Variants in BCL2L13 observed in about 807,000 individuals in gnomAD.
BCL2L13 encodes bcl-2-like protein 13.
In BCL2L13, 13 loss-of-function variants were observed where a neutral mutation model predicts 25.8. The observed-to-expected ratio is 0.50, with a 90% CI of 0.33 to 0.80. BCL2L13 has a LOEUF of 0.80. BCL2L13 is among the 30% of genes least tolerant of loss of function. The probability of loss-of-function intolerance (pLI) is 0.02; values close to 1 mark genes in which losing one functional copy is unlikely to be tolerated. For synonymous variants in BCL2L13, 244 were observed against 230.3 expected (o/e 1.06, Z -0.54); for missense variants, 504 against 574.9 (o/e 0.88, Z 1.26).
chr22:17,686,603 C>T (rs570345661), intron 3 of BCL2L13, among the ~76,000 whole-genome samples: 76 of 151,612 alleles, frequency 5.0e-4, no homozygotes, highest in African/African-American at 1.5e-3. Flanking sequence ...CTCCGCCTCC[C>T]GAGTTTAAGT....
intron 1 of BCL2L13, among the ~76,000 whole-genome samples, chr22:17,630,988 T>C (rs948799345): frequency 6.6e-6 from 1 of 152,160 alleles, no homozygotes; most frequent in Non-Finnish European, 1.5e-5. Flanking sequence ...CAGGGTCACT[T>C]ACTGCATTAG....
intron 6 of BCL2L13, among the ~76,000 whole-genome samples, chr22:17,708,666 T>G (rs1177434158): frequency 2.6e-5 from 4 of 152,208 alleles, no homozygotes. Context: ...GTTCTCTGCT[T>G]CTTTGTGCAT....
chr22:17,634,892 A>C (rs11703008), upstream of BCL2L13, among the ~76,000 whole-genome samples: 1 of 151,894 alleles, frequency 6.6e-6, no homozygotes, highest in African/African-American at 2.4e-5. Flanking sequence ...AGGCTAGAGT[A>C]AGTCATGATC....
intron 1 of BCL2L13, among the ~76,000 whole-genome samples, chr22:17,630,454 A>G (rs1015197376): frequency 1.3e-5 from 2 of 150,648 alleles, no homozygotes; most frequent in African/African-American, 4.9e-5. Flanking sequence ...TAATTTTTGT[A>G]TTTTTAGTAG....
At chr22:17,708,476 AT>A (rs2060651627) in intron 6 of BCL2L13, among the ~76,000 whole-genome samples, 6 of 152,224 alleles carry the variant, frequency 3.9e-5, no homozygotes, top group Admixed American at 3.3e-4. Flanking sequence ...TAATCCTCTC[AT>A]AGCATTGTTG....
upstream of BCL2L13, among the ~76,000 whole-genome samples, chr22:17,634,668 C>A (rs75810250): frequency 2.0e-5 from 3 of 152,076 alleles, no homozygotes; most frequent in Non-Finnish European, 2.9e-5. Context: ...ATTGGCCAGG[C>A]GTGGTGGCTG....
chr22:17,714,858 A>G (rs59631856), intron 6 of BCL2L13, among the ~76,000 whole-genome samples: 230 of 152,064 alleles, frequency 1.5e-3, no homozygotes, highest in African/African-American at 5.3e-3. Flanking sequence ...TATGTTGCAC[A>G]TAAAGAGTGT....
chr22:17,661,861 C>T lies in BCL2L13; in HGVS notation c.121+6029C>T, dbSNP rs1434521407. ...ACAAAATTAGGTGGGTGTGGTGGCG[C>T]ACACCTGTAATCCCAGCTACTGGGG... On this transcript the variant is annotated intron_variant, in intron 2 of 6. Transcript: ENST00000317582. 2.6e-5 allele frequency among the ~76,000 whole-genome samples: 3 copies of T among 113,702 alleles called. 1 individual carries two copies. Among genetic ancestry groups the T allele is most frequent in the Non-Finnish European group, 7.0e-5 (3 of 42,972 alleles). The allele number at this position is 113,702 out of a possible 152,430, so 74.6% of individuals were successfully genotyped here.
intron 1 of BCL2L13, among the ~76,000 whole-genome samples, chr22:17,632,684 A>G (rs2058048506): frequency 6.6e-6 from 1 of 152,052 alleles, no homozygotes; most frequent in African/African-American, 2.4e-5. Context: ...GAATGGATGT[A>G]GCACTGTCTA....
chr22:17,727,007 G>A lies in BCL2L13; in HGVS notation c.931G>A (p.Glu311Lys), dbSNP rs1322096389. The change falls in exon 7 of 7, where the codon GAG becomes AAG. Residue 311 changes from glutamate to lysine, a missense_variant. Glu to Lys is a moderately conservative substitution (Grantham distance 56). Transcript: ENST00000317582. ...NSSNSDIVHV[E>K]KEEVPEGMEE... ...CTCTAATTCTGACATTGTGCACGTG[G>A]AGAAAGAAGAGGTGCCCGAGGGCAT... 6.2e-7 allele frequency: 1 copy of A among 1,614,110 alleles called. No homozygotes were observed. The highest frequency in any genetic ancestry group is 2.2e-5 in the East Asian group (1 of 44,900).
intron 6 of BCL2L13, among the ~76,000 whole-genome samples, chr22:17,710,095 G>A (rs992977675): frequency 7.3e-6 from 1 of 136,450 alleles, no homozygotes; most frequent in Non-Finnish European, 1.5e-5. Context: ...AAAAAAAAGA[G>A]GCTGCTATTT....
At chr22:17,725,606 A>G (rs566188346) in intron 6 of BCL2L13, among the ~76,000 whole-genome samples, 45 of 152,302 alleles carry the variant, frequency 3.0e-4, no homozygotes, top group Non-Finnish European at 5.6e-4. Flanking sequence ...GGACTATGAC[A>G]TAGCATTATT....
intron 1 of BCL2L13, among the ~76,000 whole-genome samples, chr22:17,632,993 A>G (rs1196628207): frequency 1.3e-5 from 2 of 151,978 alleles, no homozygotes; most frequent in African/African-American, 4.8e-5. Flanking sequence ...GCCTCAGGTG[A>G]TCCACCCGCC....
intron 4 of BCL2L13, among the ~76,000 whole-genome samples, chr22:17,689,856 A>C (rs936348451): frequency 7.3e-5 from 11 of 151,346 alleles, no homozygotes; most frequent in South Asian, 2.1e-4. Context: ...AAAAAAAAAA[A>C]AAAACCCAAA....
At chr22:17,688,583 T>G (rs1555887478) in intron 3 of BCL2L13, among the ~76,000 whole-genome samples, 1 of 152,186 alleles carries the variant, frequency 6.6e-6, no homozygotes, top group Non-Finnish European at 1.5e-5. Context: ...CTCTTAAATC[T>G]AAGCTTTTTC....
chr22:17,700,073 A>G (rs181856135), intron 5 of BCL2L13, among the ~76,000 whole-genome samples: 2 of 152,272 alleles, frequency 1.3e-5, no homozygotes, highest in Admixed American at 6.5e-5. Context: ...CAAGAAGCGT[A>G]TTACCAACCG....
At chr22:17,693,156 G>A (rs896892270) in intron 4 of BCL2L13, among the ~76,000 whole-genome samples, 35 of 151,670 alleles carry the variant, frequency 2.3e-4, no homozygotes, top group African/African-American at 7.7e-4. Context: ...GCTTTTCTGA[G>A]CTTTGGTTTC....
intron 4 of BCL2L13, among the ~76,000 whole-genome samples, chr22:17,693,378 T>TAGTG (rs1568981906): frequency 2.3e-5 from 2 of 87,062 alleles, no homozygotes; most frequent in Non-Finnish European, 5.2e-5. Flanking sequence ...GTTTGTTTTT[T>TAGTG]TTTTTTTTTT....
At chr22:17,694,043 C>CCACT (rs1190781573) in intron 4 of BCL2L13, among the ~76,000 whole-genome samples, 6 of 152,122 alleles carry the variant, frequency 3.9e-5, no homozygotes, top group Non-Finnish European at 5.9e-5. Flanking sequence ...CAGGCGTGAG[C>CCACT]CACTGCACCC....
Sources: allele counts gnomAD v4.1 joint callset (sites outside exome capture counted in the v4.1 genomes callset), GRCh38; gene constraint gnomAD v4.1.1; transcripts MANE v1.5; gene names NCBI Gene and HGNC (gene_info 2026-07-23, HGNC 2026-07-21).